Variants in KLHL22 observed in about 807,000 individuals in gnomAD.
The protein encoded by KLHL22 is kelch-like protein 22.
KLHL22 carries 18 observed loss-of-function variants against 60.7 expected under a neutral mutation model. That is an observed-to-expected ratio of 0.30 (90% confidence interval 0.20 to 0.44). The LOEUF (loss-of-function observed/expected upper bound fraction) is 0.44, where lower values mean the gene tolerates loss of function less well. Among genes scored for constraint, KLHL22 ranks in the 20% least tolerant of loss-of-function variants. The probability of loss-of-function intolerance (pLI) is 1.00; values close to 1 mark genes in which losing one functional copy is unlikely to be tolerated. For missense variants in KLHL22, 596 were observed against 852.3 expected (o/e 0.70, Z 3.74); for synonymous variants, 355 against 354.5 (o/e 1.00, Z -0.01).
At position 20,489,189 on chromosome 22, in the gene KLHL22, G is replaced by A. The variant is rs777209151; in HGVS notation, c.23C>T (p.Thr8Ile). 6 of 1,614,074 alleles carry A rather than the reference G, an allele frequency of 3.7e-6. No homozygotes were observed. The Admixed American group carries it at 8.3e-5, about 22-fold the overall frequency. Residue 8 changes from threonine to isoleucine, a missense_variant, in exon 2 of 7, where the codon ACC becomes ATC. Thr to Ile is a moderately conservative substitution (Grantham distance 89). Transcript: ENST00000328879. ...CTGTGCAGGCAACTTGCAGAGCTGG[G>A]TGAACTCCTGCTCCTCTGCCATCCT... is the stretch of plus-strand genomic sequence containing the variant. MAEEQEF[T>I]QLCKLPAQPS...
In KLHL22 at chr22:20,446,657, G is replaced by A. The variant is rs750817242; in HGVS notation, c.1325C>T (p.Ala442Val). The A allele has an allele frequency of 2.2e-5, 36 of 1,610,798 alleles. No homozygotes were observed. The East Asian group carries it at 4.7e-4, about 21-fold the overall frequency. The change falls in exon 6 of 7, where the codon GCG becomes GTG. Residue 442 changes from alanine (A) to valine (V), a missense_variant. Coordinates refer to ENST00000328879, the MANE Select transcript of KLHL22 (RefSeq NM_032775.4). ...LKREVYAHAG[A>V]TLEGKMYITC... is the part of the protein sequence containing the mutation. ...GATATACATCTTCCCCTCCAGCGTC[G>A]CGCCTGCGTGGGCATACACCTGTGT...
intron 2 of KLHL22, chr22:20,484,022 C>T: frequency 1.3e-6 from 1 of 762,794 alleles, no homozygotes; most frequent in Non-Finnish European, 2.3e-6. Flanking sequence ...CGCTGCTGAC[C>T]AGCCAGGCGC....
intron 5 of KLHL22, among the ~76,000 whole-genome samples, chr22:20,447,060 C>A (rs547945765): frequency 6.6e-6 from 1 of 152,220 alleles, no homozygotes; most frequent in East Asian, 1.9e-4. Context: ...ACCCCTCCCC[C>A]ACTCCCACTG....
chr22:20,465,160 C>T lies in KLHL22; in HGVS notation c.810G>A (p.Val270=). 6.2e-7 allele frequency: 1 copy of T among 1,613,886 alleles called. No homozygotes were observed. The highest frequency in any genetic ancestry group is 8.5e-7 in the Non-Finnish European group (1 of 1,180,018). ...TCCGGTGGTACATGAGGGCGCTGGC[C>T]ACTGTGTCCCTCAAAGGGCTGGGGT... is the stretch of plus-strand genomic sequence containing the variant. ...KLDPSPLRDT[V]ASALMYHRNE... The change falls in exon 4 of 7, where the codon GTG becomes GTA. Residue 270 remains valine, a synonymous_variant. Coordinates refer to ENST00000328879, the MANE Select transcript of KLHL22 (RefSeq NM_032775.4). The surrounding 1 kb of genome is among the most constrained non-coding windows in gnomAD (Gnocchi z 4.9).
intron 5 of KLHL22, among the ~76,000 whole-genome samples, chr22:20,452,263 T>C (rs924330287): frequency 2.0e-5 from 3 of 151,890 alleles, no homozygotes; most frequent in South Asian, 2.1e-4. Context: ...TCCAAGTCTT[T>C]TTTTTTTCCA....
intron 2 of KLHL22, chr22:20,475,138 G>C (rs117901100): frequency 6.7e-6 from 1 of 149,776 alleles, no homozygotes; most frequent in South Asian, 2.1e-4. Flanking sequence ...GAGTTTCCCC[G>C]ATCTTTTGAT....
intron 3 of KLHL22, among the ~76,000 whole-genome samples, chr22:20,470,776 A>G (rs1380849742): frequency 6.8e-6 from 1 of 148,062 alleles, no homozygotes; most frequent in Non-Finnish European, 1.5e-5. Context: ...GCATGCATGG[A>G]TGGATGGATA....
chr22:20,451,420 G>A, intron 5 of KLHL22: 1 of 1,608,466 alleles, frequency 6.2e-7, no homozygotes, highest in Non-Finnish European at 8.5e-7. Flanking sequence ...AGGAGGATAT[G>A]ACGGCTTGAA....
intron 4 of KLHL22, among the ~76,000 whole-genome samples, chr22:20,462,474 C>A (rs1169002259): frequency 6.6e-6 from 1 of 151,812 alleles, no homozygotes; most frequent in Non-Finnish European, 1.5e-5. Flanking sequence ...CCTGCCTCAG[C>A]CTTCCAAGTA....
At chr22:20,478,079 T>C (rs2053441898) in intron 2 of KLHL22, among the ~76,000 whole-genome samples, 1 of 152,134 alleles carries the variant, frequency 6.6e-6, no homozygotes, top group South Asian at 2.1e-4. Flanking sequence ...AACTTTCAAC[T>C]TTTCTGTAGG....
chr22:20,458,273 CTTTTTTTTTTTTTT>C (rs35379911), intron 4 of KLHL22, among the ~76,000 whole-genome samples: 1 of 76,488 alleles, frequency 1.3e-5, no homozygotes, highest in Admixed American at 1.7e-4. Flanking sequence ...TCCAATGGCT[CTTTTTTTTTTTTTT>C]TTTTTTTTTT....
At chr22:20,487,925 C>A (rs1167610329) in intron 2 of KLHL22, among the ~76,000 whole-genome samples, 1 of 152,130 alleles carries the variant, frequency 6.6e-6, no homozygotes, top group Admixed American at 6.5e-5. Flanking sequence ...AGGGGGCCCT[C>A]AGCTCCTCTA....
chr22:20,458,918 GA>G (rs2053110533), intron 4 of KLHL22, among the ~76,000 whole-genome samples: 1 of 152,196 alleles, frequency 6.6e-6, no homozygotes, highest in South Asian at 2.1e-4. Flanking sequence ...CAGGGTGTGT[GA>G]GATTCCAGGG....
At chr22:20,449,057 TTTG>T (rs2052930334) in intron 5 of KLHL22, among the ~76,000 whole-genome samples, 1 of 150,616 alleles carries the variant, frequency 6.6e-6, no homozygotes, top group Non-Finnish European at 1.5e-5. Flanking sequence ...TTTGTTTTGT[TTTG>T]TTTTGTTTGT....
At chr22:20,471,159 C>T (rs376742626) in intron 3 of KLHL22, among the ~76,000 whole-genome samples, 191 bp downstream of exon 3, 275 of 152,338 alleles carry the variant, frequency 1.8e-3, no homozygotes, top group Middle Eastern at 6.8e-3. Context: ...CCTGGGGTGT[C>T]TAGAGCGGCT....
Position 20,457,965 on chromosome 22 carries a change from T to C in KLHL22, c.1148A>G (p.Gln383Arg), listed in dbSNP as rs771558523. ...DPRHNRWFQI[Q>R]SLQQEHADLS... is the part of the protein sequence containing the mutation. ...GTCGGCGTGCTCCTGCTGCAGGGAC[T>C]GGATCTGGAACCAGCGGTTGTGCCG... Residue 383 changes from glutamine to arginine, a missense_variant, in exon 5 of 7, where the codon CAG becomes CGG. Physicochemically the swap from Gln to Arg is conservative, Grantham distance 43. Transcript: ENST00000328879. 6.2e-7 allele frequency: 1 copy of C among 1,614,140 alleles called. No individual in the cohort carries two copies. The highest frequency in any genetic ancestry group is 1.7e-5 in the Admixed American group (1 of 60,008).
At chr22:20,486,309 T>A (rs529771303) in intron 2 of KLHL22, among the ~76,000 whole-genome samples, 1 of 152,170 alleles carries the variant, frequency 6.6e-6, no homozygotes. Flanking sequence ...ATCTTCATGG[T>A]TGGGATCATC....
intron 5 of KLHL22, among the ~76,000 whole-genome samples, chr22:20,457,257 T>C (rs180749496): frequency 5.3e-5 from 8 of 152,220 alleles, no homozygotes; most frequent in Admixed American, 2.6e-4. Flanking sequence ...CAAGGTATTA[T>C]ATAGGATGCA....
Position 20,465,103 on chromosome 22 carries a change from C to T in KLHL22, c.867G>A (p.Pro289=), listed in dbSNP as rs370087004. The change falls in exon 4 of 7, where the codon CCG becomes CCA. Residue 289 remains proline, a synonymous_variant. Transcript: ENST00000328879. The surrounding 1 kb of genome is among the most constrained non-coding windows in gnomAD (Gnocchi z 4.9). The part of the protein sequence containing the change: ...NESLQPSLQS[P]QTELRSDFQC... ...GGAAGTCCGACCGCAGCTCCGTTTG[C>T]GGGCTCTGCAGGCTGGGCTGTAGGC... 34 of 1,613,700 alleles carry T rather than the reference C, an allele frequency of 2.1e-5. No homozygotes were observed. Among genetic ancestry groups the T allele is most frequent in the African/African-American group, 5.3e-5 (4 of 74,928 alleles).
Sources: gnomAD v4.1 joint callset for allele counts (sites outside exome capture counted in the v4.1 genomes callset) on GRCh38, gnomAD v4.1.1 for gene constraint, Gnocchi (gnomAD v3.1) non-coding constraint, MANE v1.5 for transcripts, NCBI Gene and HGNC (gene_info 2026-07-23, HGNC 2026-07-21) for gene names.